FAM227B: variants seen among roughly 807,000 people sequenced by gnomAD.
The protein encoded by FAM227B is family with sequence similarity 227 member B.
A neutral mutation model predicts 73.8 loss-of-function variants in FAM227B; 88 were observed. The observed-to-expected ratio is 1.19, with a 90% CI of 1.00 to 1.42. FAM227B has a LOEUF of 1.42. FAM227B is among the 40% of genes most tolerant of loss of function. FAM227B has a pLI of 0.00. For missense variants in FAM227B, 632 were observed against 590.9 expected (o/e 1.07, Z -0.72); for synonymous variants, 210 against 190.5 (o/e 1.10, Z -0.84).
chr15:49,332,066 C>T (rs1474297296), intron 14 of FAM227B, among the ~76,000 whole-genome samples: 6 of 149,376 alleles, frequency 4.0e-5, no homozygotes, highest in Non-Finnish European at 8.9e-5. Flanking sequence ...GACACCCACC[C>T]CCGCTGCATG....
At chr15:49,545,816 G>A (rs2071761231) in intron 9 of FAM227B, among the ~76,000 whole-genome samples, 1 of 151,936 alleles carries the variant, frequency 6.6e-6, no homozygotes, top group Admixed American at 6.6e-5. Flanking sequence ...GTTCCTTTTG[G>A]AGTAATTTCT....
At chr15:49,359,715 T>C (rs2151387748) in intron 13 of FAM227B, among the ~76,000 whole-genome samples, 1 of 138,896 alleles carries the variant, frequency 7.2e-6, no homozygotes, top group South Asian at 2.4e-4. Flanking sequence ...GAAGTACCAT[T>C]TGACCCAGCC....
intron 11 of FAM227B, among the ~76,000 whole-genome samples, chr15:49,467,505 T>C (rs554634717): frequency 7.3e-4 from 111 of 152,252 alleles, no homozygotes; most frequent in African/African-American, 2.5e-3. Context: ...TTTTAGACTT[T>C]AGGAAAATCC....
chr15:49,609,039 A>G (rs1392631617), intron 3 of FAM227B, among the ~76,000 whole-genome samples: 1 of 151,952 alleles, frequency 6.6e-6, no homozygotes, highest in Non-Finnish European at 1.5e-5. Flanking sequence ...CTTTGTTCAT[A>G]GCTGTAACTC....
chr15:49,384,312 C>A (rs1567188218), intron 11 of FAM227B, among the ~76,000 whole-genome samples: 1 of 151,990 alleles, frequency 6.6e-6, no homozygotes, highest in Non-Finnish European at 1.5e-5. Context: ...GCACTAGTAG[C>A]AAAAACTGCT....
At chr15:49,476,935 C>T (rs2055383114) in intron 11 of FAM227B, among the ~76,000 whole-genome samples, 1 of 152,052 alleles carries the variant, frequency 6.6e-6, no homozygotes, top group Non-Finnish European at 1.5e-5. Flanking sequence ...TGGCGGGTGC[C>T]TGTAGTCCCA....
At chr15:49,392,082 C>G (rs1567198119) in intron 11 of FAM227B, among the ~76,000 whole-genome samples, 1 of 152,108 alleles carries the variant, frequency 6.6e-6, no homozygotes, top group Admixed American at 6.5e-5. Flanking sequence ...CAATTATGAC[C>G]AAATGAGATG....
intron 9 of FAM227B, among the ~76,000 whole-genome samples, chr15:49,554,062 T>G (rs1399314086): frequency 6.6e-6 from 1 of 152,194 alleles, no homozygotes; most frequent in Non-Finnish European, 1.5e-5. Flanking sequence ...GTGTTCCATT[T>G]TTGCCCAGTT....
chr15:49,531,660 A>G (rs1040103531), intron 10 of FAM227B, among the ~76,000 whole-genome samples: 1 of 151,976 alleles, frequency 6.6e-6, no homozygotes, highest in Non-Finnish European at 1.5e-5. Flanking sequence ...AGCATTGTGC[A>G]TTACTCCCAT....
At chr15:49,575,224 C>T in intron 7 of FAM227B, 115 bp from the exon 8 acceptor site, 1 of 448,056 alleles carries the variant, frequency 2.2e-6, no homozygotes, top group Non-Finnish European at 3.9e-6. Flanking sequence ...CAGCACTGTC[C>T]AACAGAAATT....
At chr15:49,409,013 G>A (rs72727280) in intron 11 of FAM227B, among the ~76,000 whole-genome samples, 7,615 of 152,230 alleles carry the variant, frequency 0.05, 265 homozygotes, top group East Asian at 0.071. Context: ...TGAAGGATCA[G>A]TTTTCTTGGT....
At chr15:49,590,115 GTTTT>G in intron 3 of FAM227B, 108 bp from the exon 4 acceptor site, 3 of 630,088 alleles carry the variant, frequency 4.8e-6, no homozygotes, top group Non-Finnish European at 8.4e-6. Flanking sequence ...CCACAGCATT[GTTTT>G]TTATCACTTT....
At chr15:49,331,883 C>G in intron 14 of FAM227B, 34 bp from the exon 15 acceptor site, 2 of 1,280,940 alleles carry the variant, frequency 1.6e-6, no homozygotes, top group Non-Finnish European at 2.3e-6. Flanking sequence ...AGTAACCAAA[C>G]TAATTGTCCT....
intron 11 of FAM227B, among the ~76,000 whole-genome samples, chr15:49,453,808 T>C (rs1467330093): frequency 1.3e-5 from 2 of 152,112 alleles, no homozygotes; most frequent in East Asian, 1.9e-4. Context: ...TTCAGCACGT[T>C]CCCAATTGAA....
chr15:49,423,572 GCT>G (rs1322867482), intron 11 of FAM227B: 11 of 152,106 alleles, frequency 7.2e-5, no homozygotes, highest in Non-Finnish European at 1.2e-4. Context: ...TAGTAATTAT[GCT>G]GTAGAACATA....
intron 11 of FAM227B, among the ~76,000 whole-genome samples, chr15:49,489,563 C>T (rs994124136): frequency 1.3e-5 from 2 of 151,072 alleles, no homozygotes; most frequent in African/African-American, 4.9e-5. Context: ...CTCCCTTTAG[C>T]TGCCCTACCT....
At chr15:49,407,297 C>T (rs2048580712) in intron 11 of FAM227B, among the ~76,000 whole-genome samples, 1 of 152,172 alleles carries the variant, frequency 6.6e-6, no homozygotes, top group South Asian at 2.1e-4. Flanking sequence ...TTGCTCCTTG[C>T]CAGTTCAACT....
intron 11 of FAM227B, among the ~76,000 whole-genome samples, chr15:49,506,295 T>C (rs2058577656): frequency 6.6e-6 from 1 of 152,074 alleles, no homozygotes; most frequent in Non-Finnish European, 1.5e-5. Flanking sequence ...CTCTGTCACA[T>C]ATTCTTTATT....
chr15:49,400,512 T>A (rs2048055767), intron 11 of FAM227B, among the ~76,000 whole-genome samples: 1 of 87,038 alleles, frequency 1.1e-5, no homozygotes, highest in Non-Finnish European at 2.3e-5. Context: ...TTAAAGTTCA[T>A]ATGGAACCAA....
Sources: gnomAD v4.1 joint callset for allele counts (sites outside exome capture counted in the v4.1 genomes callset) on GRCh38, gnomAD v4.1.1 for gene constraint, MANE v1.5 for transcripts, NCBI Gene and HGNC (gene_info 2026-07-23, HGNC 2026-07-21) for gene names.